Variants in ANKHD1 observed in about 807,000 individuals in gnomAD.
ANKHD1 encodes ankyrin repeat and KH domain containing 1.
A neutral mutation model predicts 230.5 loss-of-function variants in ANKHD1; 31 were observed. That is an observed-to-expected ratio of 0.13 (90% CI 0.10 to 0.18). ANKHD1 has a LOEUF of 0.18. Ranked by LOEUF, ANKHD1 falls within the 10% of genes least tolerant of loss-of-function variation. The pLI, the probability that ANKHD1 is intolerant of heterozygous loss-of-function variation, is 1.00. For synonymous variants in ANKHD1, 1,074 were observed against 1,117.6 expected (o/e 0.96, Z 0.78); for missense variants, 2,256 against 3,071.3 (o/e 0.73, Z 6.27).
At chr5:140,524,674 T>C (rs1477885489) in intron 25 of ANKHD1, among the ~76,000 whole-genome samples, 1 of 152,212 alleles carries the variant, frequency 6.6e-6, no homozygotes, top group African/African-American at 2.4e-5. Flanking sequence ...GAGTTATTTA[T>C]TGTACTGTCT....
intron 14 of ANKHD1, among the ~76,000 whole-genome samples, chr5:140,495,005 G>T (rs201401147): frequency 2.2e-4 from 33 of 151,942 alleles, no homozygotes; most frequent in African/African-American, 7.7e-4. Flanking sequence ...ATCTCCATCT[G>T]CCCAAAAAGA....
rs192178851 is a variant in ANKHD1, at chr5:140,513,847, G to A, written c.4317+368G>A. 3.6e-3 allele frequency among the ~76,000 whole-genome samples: 545 copies of A among 150,888 alleles called. 6 individuals are homozygous for A. Among genetic ancestry groups the A allele is most frequent in the African/African-American group, 0.013 (525 of 41,018 alleles). On this transcript the variant is annotated intron_variant, in intron 24 of 33. Transcript: ENST00000360839. ...AAGAAAGAAATTATTGAGGGTGGGC[G>A]TGGTGGCTCACACCTGTAATCCCAG...
chr5:140,517,166 A>G (rs1426337850), intron 24 of ANKHD1, among the ~76,000 whole-genome samples: 1 of 147,568 alleles, frequency 6.8e-6, no homozygotes, highest in African/African-American at 2.5e-5. Context: ...CAGACTTTAA[A>G]CCAACAAAGA....
intron 22 of ANKHD1, among the ~76,000 whole-genome samples, 155 bp downstream of exon 22, chr5:140,510,336 G>A (rs530290940): frequency 2.6e-5 from 3 of 113,388 alleles, no homozygotes; most frequent in Admixed American, 1.2e-4. Context: ...TTTTTGAGAC[G>A]GAGTCTTACT....
rs3776090 is a variant in ANKHD1 at position 140,471,782 on chromosome 5, A to G, written c.1782+7006A>G. On this transcript the variant is annotated intron_variant, in intron 10 of 33. Transcript: ENST00000360839. ...CAAGTTCTTTGAAGGTTCTTGTTTT[A>G]GTTGAAAAGTGGAAGCCTTAAGTAC... 3.9e-5 allele frequency among the ~76,000 whole-genome samples: 6 copies of G among 152,312 alleles called. No individual in the cohort carries two copies. The East Asian group carries it at 1.2e-3, about 29-fold the overall frequency.
At chr5:140,515,316 C>T (rs1173512139) in intron 24 of ANKHD1, among the ~76,000 whole-genome samples, 2 of 151,992 alleles carry the variant, frequency 1.3e-5, no homozygotes, top group Non-Finnish European at 2.9e-5. Flanking sequence ...CAAATGACAT[C>T]ATTACTGCCT....
Position 140,485,969 on chromosome 5 carries a change from G to GT in ANKHD1, c.2142+238dup. ...AAACCACTTAATATCAAATATAAAC[G>GT]TAAGTATTCTAAGTTGTTATCTTAT... On this transcript the variant is annotated intron_variant, in intron 13 of 33. Transcript: ENST00000360839. This position sits in a 1 kb window ranked among gnomAD's most constrained non-coding sequence, Gnocchi z 4.8. The GT allele has an allele frequency of 2.0e-6, 1 of 503,000 alleles. No homozygotes were observed. The highest frequency in any genetic ancestry group is 4.0e-5 in the East Asian group (1 of 24,834). 31.2% of individuals were successfully genotyped at this position (503,000 alleles called of 1,614,324 possible).
intron 24 of ANKHD1, among the ~76,000 whole-genome samples, chr5:140,522,110 C>T (rs555494770): frequency 6.6e-6 from 1 of 152,306 alleles, no homozygotes; most frequent in East Asian, 1.9e-4. Flanking sequence ...CTATCATATT[C>T]CCATTCCCCC....
chr5:140,429,776 A>C (rs1772884322), intron 1 of ANKHD1, among the ~76,000 whole-genome samples: 1 of 152,244 alleles, frequency 6.6e-6, no homozygotes, highest in East Asian at 1.9e-4. Flanking sequence ...TTATTATTTT[A>C]TTACAGTATA....
At chr5:140,454,390 C>A (rs1334858181) in intron 7 of ANKHD1, among the ~76,000 whole-genome samples, 1 of 152,168 alleles carries the variant, frequency 6.6e-6, no homozygotes, top group African/African-American at 2.4e-5. Context: ...ACTCTCCACC[C>A]CAAATCAACA....
At chr5:140,435,957 A>C in intron 1 of ANKHD1, 147 bp from the exon 2 acceptor site, 1 of 1,077,072 alleles carries the variant, frequency 9.3e-7, no homozygotes, top group Non-Finnish European at 1.2e-6. Flanking sequence ...TGTCCTTCAA[A>C]GTCCATTCCC....
chr5:140,452,181 C>T (rs1774800497), intron 7 of ANKHD1, among the ~76,000 whole-genome samples: 1 of 152,198 alleles, frequency 6.6e-6, no homozygotes, highest in South Asian at 2.1e-4. Context: ...GGAGGGGCAC[C>T]CACCATTGCT....
At chr5:140,533,796 A>C (rs1310618723) in intron 29 of ANKHD1, among the ~76,000 whole-genome samples, 1 of 150,906 alleles carries the variant, frequency 6.6e-6, no homozygotes, top group African/African-American at 2.4e-5. Context: ...AAAAAAAAAA[A>C]AAACAAGAAG....
At chr5:140,510,306 A>ATTT (rs1752703401) in intron 22 of ANKHD1, 125 bp downstream of exon 22, 24 of 864,570 alleles carry the variant, frequency 2.8e-5, no homozygotes, top group Middle Eastern at 3.7e-4. Context: ...CTATCTTTCC[A>ATTT]TTCTTTTTTT....
intron 1 of ANKHD1, among the ~76,000 whole-genome samples, chr5:140,434,451 T>C (rs1215649482): frequency 6.7e-6 from 1 of 149,872 alleles, no homozygotes; most frequent in African/African-American, 2.4e-5. Flanking sequence ...ACAAATTACA[T>C]ATATGCCATA....
chr5:140,496,443 C>CTTTTTTTTTTTTTTTTTTTTTTTT, intron 14 of ANKHD1, 77 bp from the exon 15 acceptor site: 2 of 718,958 alleles, frequency 2.8e-6, no homozygotes, highest in Non-Finnish European at 3.6e-6. Context: ...GGCTGGTTTT[C>CTTTTTTTTTTTTTTTTTTTTTTTT]TTTTTTTTTT....
At chr5:140,495,683 T>C (rs932557022) in intron 14 of ANKHD1, among the ~76,000 whole-genome samples, 6 of 152,212 alleles carry the variant, frequency 3.9e-5, no homozygotes, top group Non-Finnish European at 8.8e-5. Context: ...TGATTTGTTA[T>C]GAAGGAAGGA....
At chr5:140,440,325 T>C in intron 4 of ANKHD1, 59 bp downstream of exon 4, 1 of 1,556,014 alleles carries the variant, frequency 6.4e-7, no homozygotes, top group South Asian at 1.2e-5. Flanking sequence ...GTTTTATTTA[T>C]TTTTGTCACT....
intron 29 of ANKHD1, among the ~76,000 whole-genome samples, chr5:140,532,192 C>T (rs1313374531): frequency 7.0e-5 from 10 of 142,826 alleles, no homozygotes; most frequent in Admixed American, 2.2e-4. Context: ...GGTGACAGAG[C>T]GAGACTCTGT....
Sources: gnomAD v4.1 joint callset for allele counts (sites outside exome capture counted in the v4.1 genomes callset) on GRCh38, gnomAD v4.1.1 for gene constraint, Gnocchi (gnomAD v3.1) non-coding constraint, MANE v1.5 for transcripts, NCBI Gene and HGNC (gene_info 2026-07-23, HGNC 2026-07-21) for gene names.